The following USP8 variants were observed in gnomAD, a reference collection of about 807,000 sequenced individuals.
USP8 encodes ubiquitin specific peptidase 8, also known as ubiquitin carboxyl-terminal hydrolase 8.
Under a neutral mutation model 130.0 loss-of-function variants are expected in USP8, and 27 were observed. The observed-to-expected ratio is 0.21, with a 90% CI of 0.15 to 0.29. The LOEUF is 0.29. USP8 is among the 10% of genes least tolerant of loss of function. The pLI is 1.00. For synonymous variants in USP8, 392 were observed against 444.1 expected, an observed-to-expected ratio of 0.88 and a Z score of 1.48; for missense variants, 1,029 against 1,312.2, an observed-to-expected ratio of 0.78 and a Z score of 3.33.
Position 50,509,293 on chromosome 15 carries a change from G to A in USP8, c.*10205G>A, listed in dbSNP as rs961115945. On this transcript the variant is annotated 3_prime_UTR_variant, in exon 20 of 20. Transcript: ENST00000307179. ...GATCACACCACTGCACTCCAGCCTGGGAGACAGAGTGAGACCCTCTCTCAA... is the reference window on the plus strand; with the variant it reads ...GATCACACCACTGCACTCCAGCCTGAGAGACAGAGTGAGACCCTCTCTCAA... The A allele has an allele frequency of 6.6e-6, 1 of 152,072 alleles. No homozygotes were observed. Among genetic ancestry groups the A allele is most frequent in the Non-Finnish European group, 1.5e-5 (1 of 68,140 alleles). 9.4% of individuals were successfully genotyped at this position (152,072 alleles called of 1,614,324 possible). A position where few individuals can be genotyped will look rare whatever the true frequency, so the allele number is the denominator to read the frequency against.
intron 5 of USP8, among the ~76,000 whole-genome samples, chr15:50,460,302 T>A (rs1481136197): frequency 4.3e-5 from 2 of 46,908 alleles, no homozygotes; most frequent in Non-Finnish European, 8.0e-5. Context: ...CTGGCTCTTC[T>A]TTTTTTTTTT....
rs1301897562 is a variant in USP8, at chr15:50,502,075, C to G, written c.*2987C>G. On this transcript the variant is annotated 3_prime_UTR_variant, in exon 20 of 20. Coordinates refer to ENST00000307179, the MANE Select transcript of USP8 (RefSeq NM_005154.5). ...TTTAACAGAATAAGTTTGCTGACCTCTGCTGTAGAGGAAGAAAATTGATTA... is the reference window on the plus strand; with the variant it reads ...TTTAACAGAATAAGTTTGCTGACCTGTGCTGTAGAGGAAGAAAATTGATTA... 6.6e-6 allele frequency: 1 copy of G among 152,202 alleles called. No homozygotes were observed. The highest frequency in any genetic ancestry group is 1.5e-5 in the Non-Finnish European group (1 of 68,054). The allele number at this position is 152,202 out of a possible 1,614,324, so 9.4% of individuals were successfully genotyped here. A position where few individuals can be genotyped will look rare whatever the true frequency, so the allele number is the denominator to read the frequency against.
At chr15:50,444,796 A>G (rs934245798) in intron 3 of USP8, among the ~76,000 whole-genome samples, 1 of 152,148 alleles carries the variant, frequency 6.6e-6, no homozygotes. Context: ...CACTTCCGTC[A>G]CCCAGGTTGG....
chr15:50,437,399 T>A (rs930255786), intron 1 of USP8, among the ~76,000 whole-genome samples: 2 of 152,220 alleles, frequency 1.3e-5, no homozygotes, highest in Non-Finnish European at 2.9e-5. Flanking sequence ...ATTGTTCAAT[T>A]CAATTTGATT....
At chr15:50,441,969 CTTTT>C (rs1011150634) in intron 3 of USP8, among the ~76,000 whole-genome samples, 6 of 81,418 alleles carry the variant, frequency 7.4e-5, no homozygotes, top group Admixed American at 1.7e-4. Flanking sequence ...CTCCCTAAAT[CTTTT>C]TTTTTTTTTT....
intron 11 of USP8, among the ~76,000 whole-genome samples, chr15:50,483,422 G>T (rs1277629488): frequency 6.6e-6 from 1 of 152,132 alleles, no homozygotes; most frequent in African/African-American, 2.4e-5. Flanking sequence ...AATAAATTTT[G>T]TTAAAATTAT....
chr15:50,488,105 T>G (rs910182086), intron 12 of USP8, among the ~76,000 whole-genome samples: 2 of 152,168 alleles, frequency 1.3e-5, no homozygotes, highest in African/African-American at 4.8e-5. Flanking sequence ...AGCACAGAAG[T>G]TTTTGTGGAA....
chr15:50,477,115 C>A, intron 9 of USP8, 122 bp downstream of exon 9: 1 of 1,388,874 alleles, frequency 7.2e-7, no homozygotes, highest in Non-Finnish European at 9.7e-7. Flanking sequence ...TGTTTTCAGG[C>A]ATAAAAATAT....
intron 3 of USP8, among the ~76,000 whole-genome samples, chr15:50,447,159 T>G (rs1296273161): frequency 6.6e-6 from 1 of 152,246 alleles, no homozygotes; most frequent in Non-Finnish European, 1.5e-5. Flanking sequence ...CAGTTTTCTT[T>G]AGAAAAATTT....
intron 7 of USP8, among the ~76,000 whole-genome samples, chr15:50,471,141 T>G (rs2051363617): frequency 6.6e-6 from 1 of 152,222 alleles, no homozygotes; most frequent in Non-Finnish European, 1.5e-5. Flanking sequence ...GAAGACTCAA[T>G]GAGTTCAATG....
chr15:50,433,705 G>A (rs1487205064), intron 1 of USP8, among the ~76,000 whole-genome samples: 1 of 151,932 alleles, frequency 6.6e-6, no homozygotes, highest in Non-Finnish European at 1.5e-5. Context: ...TCCCAGGTTC[G>A]TGCCATTCTC....
intron 4 of USP8, among the ~76,000 whole-genome samples, chr15:50,456,691 G>C (rs887195399): frequency 6.6e-6 from 1 of 152,112 alleles, no homozygotes; most frequent in Admixed American, 6.6e-5. Flanking sequence ...TTCGAGACCA[G>C]CCTGGCCAAC....
intron 11 of USP8, 134 bp downstream of exon 11, chr15:50,482,199 A>G: frequency 2.7e-6 from 2 of 736,790 alleles, no homozygotes; most frequent in Non-Finnish European, 3.9e-6. Context: ...GTACTGATCT[A>G]TCCACATTTG....
chr15:50,468,318 C>T lies in USP8; in HGVS notation c.686+3127C>T, dbSNP rs544195571. On this transcript the variant is annotated intron_variant, in intron 7 of 19. Coordinates refer to ENST00000307179, the MANE Select transcript of USP8 (RefSeq NM_005154.5). ...TTGTACAATCTTGGCTCACTGCAAC[C>T]TCTGCCTTCTGGGTTCAATTGATCC... is the stretch of plus-strand genomic sequence containing the variant. Among the ~76,000 whole-genome samples, 6 of 150,136 alleles carry T rather than the reference C, an allele frequency of 4.0e-5. No homozygotes were observed. The Admixed American group carries it at 4.1e-4, about 10-fold the overall frequency.
chr15:50,429,765 A>G (rs1465468112), intron 1 of USP8, among the ~76,000 whole-genome samples: 1 of 152,184 alleles, frequency 6.6e-6, no homozygotes, highest in East Asian at 1.9e-4. Context: ...CTGAGCATCA[A>G]TATTTTTTTA....
chr15:50,497,307 T>C (rs1427385316), intron 18 of USP8, 76 bp downstream of exon 18: 5 of 1,504,686 alleles, frequency 3.3e-6, no homozygotes, highest in Non-Finnish European at 4.4e-6. Context: ...TTTATACTTG[T>C]TGTACTGCCT....
chr15:50,477,215 A>G, intron 9 of USP8, 61 bp from the exon 10 acceptor site: 3 of 1,446,976 alleles, frequency 2.1e-6, no homozygotes, highest in Non-Finnish European at 2.8e-6. Context: ...CGCATGAGAA[A>G]TGTAAGTACT....
intron 4 of USP8, 75 bp from the exon 5 acceptor site, chr15:50,458,925 T>A (rs1228689302): frequency 1.3e-6 from 2 of 1,573,594 alleles, no homozygotes; most frequent in African/African-American, 1.4e-5. Context: ...GATACTAATT[T>A]TACAGAACTG....
intron 4 of USP8, among the ~76,000 whole-genome samples, chr15:50,457,704 T>A (rs1286554902): frequency 6.6e-6 from 1 of 150,692 alleles, no homozygotes; most frequent in East Asian, 1.9e-4. Flanking sequence ...CTACTAAAAA[T>A]ACACAAATTA....
Sources: allele counts gnomAD v4.1 joint callset (sites outside exome capture counted in the v4.1 genomes callset), GRCh38; gene constraint gnomAD v4.1.1; transcripts MANE v1.5; gene names NCBI Gene and HGNC (gene_info 2026-07-23, HGNC 2026-07-21).